Variants in FGF14 observed in about 807,000 individuals in gnomAD.
The protein encoded by FGF14 is fibroblast growth factor homologous factor 4.
Under a neutral mutation model 25.5 loss-of-function variants are expected in FGF14, and 5 were observed. That is an observed-to-expected ratio of 0.20 (90% CI 0.10 to 0.41). The LOEUF is 0.41. Among genes scored for constraint, FGF14 ranks in the 10% least tolerant of loss-of-function variants. The pLI, the probability that FGF14 is intolerant of heterozygous loss-of-function variation, is 1.00. For synonymous variants in FGF14, 138 were observed against 118.3 expected (o/e 1.17, Z -1.08); for missense variants, 222 against 320.1 (o/e 0.69, Z 2.34).
At chr13:101,765,752 G>A (rs778724153) in intron 3 of FGF14, among the ~76,000 whole-genome samples, 3 of 148,802 alleles carry the variant, frequency 2.0e-5, no homozygotes, top group East Asian at 1.9e-4. Context: ...ATTTTGAGAC[G>A]GAGTCTCGCT....
At chr13:102,289,386 G>A (rs546108156) in intron 1 of FGF14, among the ~76,000 whole-genome samples, 2 of 152,052 alleles carry the variant, frequency 1.3e-5, no homozygotes, top group South Asian at 2.1e-4. Context: ...AACTCTTTTG[G>A]TAAAGAGCTA....
chr13:101,886,799 C>A lies in FGF14; in HGVS notation c.194-11503G>T, dbSNP rs187365100. On this transcript the variant is annotated intron_variant, in intron 1 of 4. Coordinates refer to ENST00000376143, the MANE Select transcript of FGF14 (RefSeq NM_004115.4). ...AAATATTTGCCAACTATCTATCTAA[C>A]AAGGGATTAATAACCAGAATATATA... Among the ~76,000 whole-genome samples the A allele has an allele frequency of 1.5e-4, 23 of 152,232 alleles. No individual in the cohort carries two copies. The South Asian group carries it at 3.1e-3, about 21-fold the overall frequency.
At chr13:101,902,800 C>T (rs1261059048) in intron 1 of FGF14, among the ~76,000 whole-genome samples, 5 of 152,198 alleles carry the variant, frequency 3.3e-5, no homozygotes, top group Non-Finnish European at 5.9e-5. Context: ...CACTGGCTGA[C>T]TGCTAATCAG....
intron 1 of FGF14, among the ~76,000 whole-genome samples, chr13:102,315,306 G>A (rs1466636533): frequency 6.6e-6 from 1 of 152,172 alleles, no homozygotes; most frequent in Non-Finnish European, 1.5e-5. Context: ...ACAGACAGAA[G>A]ATACTGCTTC....
At chr13:101,723,638 C>A (rs1594031394) in intron 4 of FGF14, among the ~76,000 whole-genome samples, 1 of 152,110 alleles carries the variant, frequency 6.6e-6, no homozygotes, top group Middle Eastern at 3.4e-3. Flanking sequence ...TATTAAAAAT[C>A]TAATAATTGA....
At chr13:102,326,929 C>T (rs1361230525) in intron 1 of FGF14, among the ~76,000 whole-genome samples, 1 of 152,078 alleles carries the variant, frequency 6.6e-6, no homozygotes, top group East Asian at 1.9e-4. Context: ...CCAATTATTC[C>T]CCACGGAAAC....
intron 1 of FGF14, among the ~76,000 whole-genome samples, chr13:102,130,194 G>A (rs1456176423): frequency 2.0e-5 from 3 of 152,156 alleles, no homozygotes; most frequent in South Asian, 2.1e-4. Flanking sequence ...GGAAGAAGCT[G>A]AACAAATATG....
At chr13:102,301,728 C>T (rs774921239) in intron 1 of FGF14, among the ~76,000 whole-genome samples, 23 of 151,804 alleles carry the variant, frequency 1.5e-4, no homozygotes, top group Admixed American at 1.2e-3. Context: ...CAATCTATGA[C>T]GACTAACCTC....
intron 1 of FGF14, among the ~76,000 whole-genome samples, chr13:102,230,506 C>A (rs1278954803): frequency 6.6e-6 from 1 of 152,152 alleles, no homozygotes; most frequent in East Asian, 1.9e-4. Context: ...AAAAGTGGTT[C>A]ATTTATACCA....
Position 102,320,163 on chromosome 13 carries a change from T to G in FGF14, c.208+81308A>C, listed in dbSNP as rs148661273. On this transcript the variant is annotated intron_variant, in intron 1 of 4. Transcript: ENST00000376131. ...GATAATCAGGAGTCCTAGATTTGAGTCCCAGTCTTGCCACTGATCAAAAAT... is the reference window on the plus strand; with the variant it reads ...GATAATCAGGAGTCCTAGATTTGAGGCCCAGTCTTGCCACTGATCAAAAAT... 2.2e-4 allele frequency among the ~76,000 whole-genome samples: 33 copies of G among 151,364 alleles called. No individual in the cohort carries two copies. The East Asian group carries it at 6.5e-3, about 30-fold the overall frequency.
intron 1 of FGF14, among the ~76,000 whole-genome samples, chr13:102,356,956 A>C (rs1399523022): frequency 2.8e-5 from 4 of 143,768 alleles, no homozygotes; most frequent in African/African-American, 1.1e-4. Flanking sequence ...TATACACACA[A>C]ACAGATATTC....
intron 1 of FGF14, among the ~76,000 whole-genome samples, chr13:102,150,759 T>C (rs147586332): frequency 1.0e-3 from 154 of 152,280 alleles, no homozygotes; most frequent in Non-Finnish European, 1.6e-3. Context: ...CAGGGAATAT[T>C]TGGCAATCTG....
chr13:102,009,281 G>A (rs531991713), intron 1 of FGF14, among the ~76,000 whole-genome samples: 2 of 152,100 alleles, frequency 1.3e-5, no homozygotes, highest in East Asian at 1.9e-4. Context: ...AGTTTAGATG[G>A]GTGGATGGAT....
intron 1 of FGF14, among the ~76,000 whole-genome samples, chr13:102,325,028 C>T (rs1203319489): frequency 6.6e-6 from 1 of 151,862 alleles, no homozygotes; most frequent in Non-Finnish European, 1.5e-5. Flanking sequence ...CACACAGCAC[C>T]ATCAAAAGAT....
At chr13:102,106,723 T>C (rs1265275970) in intron 1 of FGF14, among the ~76,000 whole-genome samples, 1 of 152,220 alleles carries the variant, frequency 6.6e-6, no homozygotes, top group African/African-American at 2.4e-5. Flanking sequence ...CAAATATTTC[T>C]GTTTGTGTTT....
At chr13:102,113,305 T>G (rs1419376633) in intron 1 of FGF14, among the ~76,000 whole-genome samples, 12 of 152,170 alleles carry the variant, frequency 7.9e-5, no homozygotes. Context: ...GACCAGGGCT[T>G]CTCTCTTCAT....
chr13:101,778,360 TC>T (rs1465157324), intron 3 of FGF14, among the ~76,000 whole-genome samples: 1 of 152,148 alleles, frequency 6.6e-6, no homozygotes, highest in Non-Finnish European at 1.5e-5. Flanking sequence ...CAACACCACT[TC>T]CATCATGGTT....
At chr13:102,337,948 T>C (rs966436201) in intron 1 of FGF14, among the ~76,000 whole-genome samples, 8 of 152,238 alleles carry the variant, frequency 5.3e-5, no homozygotes, top group African/African-American at 1.9e-4. Flanking sequence ...ATAACTCTTA[T>C]GTGCACTGGA....
At chr13:102,158,169 G>A (rs970442459) in intron 1 of FGF14, among the ~76,000 whole-genome samples, 1 of 152,036 alleles carries the variant, frequency 6.6e-6, no homozygotes, top group African/African-American at 2.4e-5. Context: ...TCCCTTACTG[G>A]GTATATACCC....
Sources: allele counts gnomAD v4.1 joint callset (sites outside exome capture counted in the v4.1 genomes callset), GRCh38; gene constraint gnomAD v4.1.1; transcripts MANE v1.5; gene names NCBI Gene and HGNC (gene_info 2026-07-23, HGNC 2026-07-21).